Variants in CCDC152 observed in about 807,000 individuals in gnomAD.
CCDC152 encodes coiled-coil domain containing 152, also known as coiled-coil domain-containing protein 152.
CCDC152 carries 37 observed loss-of-function variants against 38.1 expected under a neutral mutation model. The observed-to-expected ratio is 0.97, with a 90% CI of 0.75 to 1.28. The LOEUF (loss-of-function observed/expected upper bound fraction) is 1.28. CCDC152 is among the 50% of genes most tolerant of loss of function. The pLI, the probability that CCDC152 is intolerant of heterozygous loss-of-function variation, is 0.00. For missense variants in CCDC152, 259 were observed against 292.1 expected, an observed-to-expected ratio of 0.89 and a Z score of 0.83; for synonymous variants, 83 against 87.1, an observed-to-expected ratio of 0.95 and a Z score of 0.26.
intron 6 of CCDC152, among the ~76,000 whole-genome samples, chr5:42,796,048 C>T (rs901032509): frequency 6.7e-6 from 1 of 150,206 alleles, no homozygotes; most frequent in African/African-American, 2.5e-5. Context: ...AATGAGAACA[C>T]ATGGACACAG....
chr5:42,763,062 A>G (rs1373343747), intron 3 of CCDC152, among the ~76,000 whole-genome samples: 1 of 152,198 alleles, frequency 6.6e-6, no homozygotes, highest in Non-Finnish European at 1.5e-5. Context: ...AATAAAAGGA[A>G]CCAACGTTTT....
chr5:42,764,664 G>A (rs540419414), intron 3 of CCDC152, among the ~76,000 whole-genome samples: 1 of 152,068 alleles, frequency 6.6e-6, no homozygotes, highest in Non-Finnish European at 1.5e-5. Context: ...ACAGAATGAA[G>A]GCTAAAAATT....
At chr5:42,795,451 TA>T (rs1760061711) in intron 6 of CCDC152, among the ~76,000 whole-genome samples, 1 of 152,228 alleles carries the variant, frequency 6.6e-6, no homozygotes, top group Non-Finnish European at 1.5e-5. Context: ...ATTCACCTTT[TA>T]GTGGTAGAAA....
chr5:42,800,292 A>G lies in CCDC152; in HGVS notation c.*511A>G, dbSNP rs1385062684. On this transcript the variant is annotated 3_prime_UTR_variant, in exon 9 of 9. Transcript: ENST00000361970. ...TTAAAATACAAAATCCACTTATTTT[A>G]TTAGTTAAAAGTAGAAGATTGAAAA... 6.3e-6 allele frequency: 1 copy of G among 157,600 alleles called. No homozygotes were observed. Among genetic ancestry groups the G allele is most frequent in the African/African-American group, 2.4e-5 (1 of 41,596 alleles). The allele number at this position is 157,600 out of a possible 1,614,324, so 9.8% of individuals were successfully genotyped here. A position where few individuals can be genotyped will look rare whatever the true frequency, so the allele number is the denominator to read the frequency against.
At chr5:42,785,086 G>C (rs1759900823) in intron 6 of CCDC152, among the ~76,000 whole-genome samples, 1 of 151,992 alleles carries the variant, frequency 6.6e-6, no homozygotes, top group African/African-American at 2.4e-5. Context: ...GACTATTCAG[G>C]CTCTGTTTTG....
intron 7 of CCDC152, among the ~76,000 whole-genome samples, 178 bp downstream of exon 7, chr5:42,797,134 T>A (rs1760086786): frequency 6.6e-6 from 1 of 152,246 alleles, no homozygotes; most frequent in South Asian, 2.1e-4. Context: ...ACAACTGTCA[T>A]CTGCATTGCC....
chr5:42,778,487 G>A (rs893491943), intron 4 of CCDC152, among the ~76,000 whole-genome samples: 12 of 152,220 alleles, frequency 7.9e-5, no homozygotes, highest in African/African-American at 1.4e-4. Flanking sequence ...GTTTTAAACC[G>A]ACCTGGATGT....
chr5:42,764,393 G>A (rs1465814996), intron 3 of CCDC152, among the ~76,000 whole-genome samples: 1 of 152,048 alleles, frequency 6.6e-6, no homozygotes, highest in African/African-American at 2.4e-5. Flanking sequence ...AAAAACAGAG[G>A]AGGAGGAGGA....
At chr5:42,773,450 G>A (rs1479613305) in intron 4 of CCDC152, among the ~76,000 whole-genome samples, 1 of 152,086 alleles carries the variant, frequency 6.6e-6, no homozygotes, top group Admixed American at 6.6e-5. Context: ...TGATACACAA[G>A]GTTCTTTCTC....
intron 2 of CCDC152, among the ~76,000 whole-genome samples, chr5:42,761,721 TATG>T (rs1759556505): frequency 6.6e-6 from 1 of 152,198 alleles, no homozygotes; most frequent in Non-Finnish European, 1.5e-5. Flanking sequence ...CAGAATATAA[TATG>T]ATTTCTTTCT....
At chr5:42,762,639 T>G in intron 3 of CCDC152, 91 bp downstream of exon 3, 1 of 735,838 alleles carries the variant, frequency 1.4e-6, no homozygotes, top group Non-Finnish European at 2.3e-6. Context: ...ATTTGTAAAG[T>G]GTTTTAAGTC....
intron 6 of CCDC152, among the ~76,000 whole-genome samples, chr5:42,793,437 T>C (rs1760031962): frequency 6.6e-6 from 1 of 152,142 alleles, no homozygotes; most frequent in Non-Finnish European, 1.5e-5. Flanking sequence ...TAAATTACGC[T>C]GCAGTAAATC....
At position 42,780,113 on chromosome 5, in the gene CCDC152, T is replaced by C. The variant is rs775026001; in HGVS notation, c.327+591T>C. Among the ~76,000 whole-genome samples the C allele has an allele frequency of 2.0e-5, 3 of 152,186 alleles. No homozygotes were observed. The South Asian group carries it at 6.2e-4, about 32-fold the overall frequency. ...ATAAATGTCAGTTCCCTCTGCTCTTTGAGAGGTTCATTATGCTAACTTCCT... is the reference window on the plus strand; with the variant it reads ...ATAAATGTCAGTTCCCTCTGCTCTTCGAGAGGTTCATTATGCTAACTTCCT... On this transcript the variant is annotated intron_variant, in intron 5 of 8. Transcript: ENST00000361970.
At chr5:42,766,830 A>C (rs1046779579) in intron 3 of CCDC152, among the ~76,000 whole-genome samples, 6 of 150,092 alleles carry the variant, frequency 4.0e-5, no homozygotes, top group Non-Finnish European at 7.4e-5. Context: ...AGAATGAATA[A>C]GACCTACTAT....
chr5:42,799,286 A>G, intron 7 of CCDC152, 89 bp from the exon 8 acceptor site: 1 of 654,332 alleles, frequency 1.5e-6, no homozygotes, highest in South Asian at 2.2e-5. Flanking sequence ...TACAGATTAC[A>G]TGTCAAAGGA....
intron 6 of CCDC152, among the ~76,000 whole-genome samples, chr5:42,796,218 G>A (rs1163987061): frequency 6.7e-6 from 1 of 150,098 alleles, no homozygotes; most frequent in African/African-American, 2.5e-5. Context: ...TGGTGCACAT[G>A]TACCCTAAAA....
At chr5:42,784,689 A>G (rs1273681095) in intron 6 of CCDC152, among the ~76,000 whole-genome samples, 4 of 152,086 alleles carry the variant, frequency 2.6e-5, no homozygotes, top group Non-Finnish European at 4.4e-5. Context: ...CAATGTCCAG[A>G]AGAGTTTTTC....
intron 3 of CCDC152, 76 bp from the exon 4 acceptor site, chr5:42,769,521 T>A: frequency 7.4e-7 from 1 of 1,349,826 alleles, no homozygotes; most frequent in Non-Finnish European, 9.8e-7. Context: ...TATTTTATTT[T>A]AATAATTTCA....
intron 6 of CCDC152, among the ~76,000 whole-genome samples, chr5:42,793,966 G>A (rs750318960): frequency 1.9e-4 from 29 of 152,226 alleles, no homozygotes; most frequent in Non-Finnish European, 3.2e-4. Context: ...AGATGGAAAT[G>A]TAAGTGCTAA....
Sources: allele counts gnomAD v4.1 joint callset (sites outside exome capture counted in the v4.1 genomes callset), GRCh38; gene constraint gnomAD v4.1.1; transcripts MANE v1.5; gene names NCBI Gene and HGNC (gene_info 2026-07-23, HGNC 2026-07-21).